EXOC6B: variants seen among roughly 807,000 people sequenced by gnomAD.
The protein encoded by EXOC6B is SEC15 homolog B.
Under a neutral mutation model 113.5 loss-of-function variants are expected in EXOC6B, and 54 were observed. The observed-to-expected ratio is 0.48, with a 90% confidence interval of 0.38 to 0.60. The LOEUF (loss-of-function observed/expected upper bound fraction) is 0.60. Ranked by LOEUF, EXOC6B falls within the 20% of genes least tolerant of loss-of-function variation. EXOC6B has a pLI of 0.00. For missense variants in EXOC6B, 797 were observed against 977.5 expected (o/e 0.82, Z 2.46); for synonymous variants, 357 against 339.0 (o/e 1.05, Z -0.58).
chr2:72,469,935 T>C (rs2105440414), intron 17 of EXOC6B, among the ~76,000 whole-genome samples: 1 of 152,288 alleles, frequency 6.6e-6, no homozygotes, highest in Middle Eastern at 3.4e-3. Context: ...TTTGATCTTC[T>C]AAAGTAGTAA....
intron 1 of EXOC6B, among the ~76,000 whole-genome samples, chr2:72,765,929 G>T (rs960575914): frequency 2.9e-4 from 44 of 152,160 alleles, no homozygotes; most frequent in African/African-American, 1.0e-3. Context: ...CCTTAAATTA[G>T]AGGCATAAGA....
At chr2:72,601,136 G>A (rs1280641097) in intron 6 of EXOC6B, among the ~76,000 whole-genome samples, 1 of 145,844 alleles carries the variant, frequency 6.9e-6, no homozygotes, top group African/African-American at 2.6e-5. Flanking sequence ...GTGTGTGTGT[G>A]TGTGTGTGTG....
intron 20 of EXOC6B, among the ~76,000 whole-genome samples, chr2:72,188,501 A>G (rs1678594784): frequency 6.6e-6 from 1 of 152,154 alleles, no homozygotes; most frequent in Non-Finnish European, 1.5e-5. Flanking sequence ...ATGGACAGAG[A>G]GTGAACTCTG....
At chr2:72,457,683 A>G (rs1220851418) in intron 18 of EXOC6B, among the ~76,000 whole-genome samples, 1 of 152,092 alleles carries the variant, frequency 6.6e-6, no homozygotes, top group East Asian at 1.9e-4. Flanking sequence ...ATGCAATTGT[A>G]AATTATACAA....
intron 12 of EXOC6B, among the ~76,000 whole-genome samples, chr2:72,499,087 AAGG>A (rs1294423370): frequency 6.6e-6 from 1 of 152,146 alleles, no homozygotes; most frequent in Non-Finnish European, 1.5e-5. Context: ...GAGAGAAAAA[AAGG>A]AGGTGGAAAC....
At chr2:72,714,610 G>GA (rs1005429290) in intron 6 of EXOC6B, among the ~76,000 whole-genome samples, 43 of 148,412 alleles carry the variant, frequency 2.9e-4, no homozygotes, top group African/African-American at 7.4e-4. Flanking sequence ...AACAATATGA[G>GA]AAAAAAAAAA....
At chr2:72,399,269 A>G (rs899324502) in intron 18 of EXOC6B, among the ~76,000 whole-genome samples, 1 of 152,212 alleles carries the variant, frequency 6.6e-6, no homozygotes, top group Non-Finnish European at 1.5e-5. Flanking sequence ...AAATAATAAA[A>G]GCAATATACA....
intron 11 of EXOC6B, among the ~76,000 whole-genome samples, chr2:72,508,930 A>G (rs1202373557): frequency 6.6e-6 from 1 of 152,182 alleles, no homozygotes; most frequent in African/African-American, 2.4e-5. Context: ...ATAATATAAT[A>G]TATAAAAGGT....
At chr2:72,285,369 G>A (rs1573176651) in intron 20 of EXOC6B, among the ~76,000 whole-genome samples, 1 of 151,962 alleles carries the variant, frequency 6.6e-6, no homozygotes, top group East Asian at 1.9e-4. Flanking sequence ...GATGAGCAAA[G>A]GCAAAGCAAT....
intron 6 of EXOC6B, among the ~76,000 whole-genome samples, chr2:72,618,650 G>C (rs1671550651): frequency 6.6e-6 from 1 of 152,070 alleles, no homozygotes; most frequent in Non-Finnish European, 1.5e-5. Flanking sequence ...CATTCCTTAT[G>C]AGCCTGCAAT....
chr2:72,462,097 C>T (rs1697721521), intron 18 of EXOC6B: 1 of 152,046 alleles, frequency 6.6e-6, no homozygotes, highest in Non-Finnish European at 1.5e-5. Flanking sequence ...GAAATACTCC[C>T]ATCCTGGAAT....
At chr2:72,613,564 CTAAAA>C in intron 6 of EXOC6B, among the ~76,000 whole-genome samples, 1 of 151,940 alleles carries the variant, frequency 6.6e-6, no homozygotes, top group East Asian at 1.9e-4. Context: ...GTCATAAAAT[CTAAAA>C]TAAGGAATGG....
At chr2:72,437,713 C>T (rs1273456755) in intron 18 of EXOC6B, among the ~76,000 whole-genome samples, 1 of 152,134 alleles carries the variant, frequency 6.6e-6, no homozygotes, top group African/African-American at 2.4e-5. Context: ...ATAAATTTTG[C>T]TGCATGTTAA....
Position 72,784,838 on chromosome 2 carries a change from A to T in EXOC6B, c.113+40960T>A, listed in dbSNP as rs544059166. Reference sequence around the variant, plus strand: ...CTCATGTCCTCATATTTCAAAACCAATTATTCCTTCCCAACAGTCCCCCAA... The same window carrying T: ...CTCATGTCCTCATATTTCAAAACCATTTATTCCTTCCCAACAGTCCCCCAA... On this transcript the variant is annotated intron_variant, in intron 1 of 21. Transcript: ENST00000272427. Among the ~76,000 whole-genome samples the T allele has an allele frequency of 2.6e-5, 4 of 152,180 alleles. No homozygotes were observed. The South Asian group carries it at 8.3e-4, about 32-fold the overall frequency.
intron 7 of EXOC6B, among the ~76,000 whole-genome samples, chr2:72,562,188 A>G (rs12471136): frequency 0.87 from 132,747 of 152,084 alleles, 58,118 homozygotes; most frequent in East Asian, 0.99. Flanking sequence ...TAATGAAAAA[A>G]AATCACAACT....
In EXOC6B at chr2:72,492,281, A is replaced by C. The variant is rs918802366; in HGVS notation, c.1665+37T>G. ...CCCAGAGCTTAGGACATCTGTTCAC[A>C]TACTGGCTCGGCTGCCTTCATTAGG... On this transcript the variant is annotated intron_variant, in intron 16 of 21. Coordinates refer to ENST00000272427, the MANE Select transcript of EXOC6B (RefSeq NM_015189.3). 5.3e-6 allele frequency: 7 copies of C among 1,314,488 alleles called. No individual in the cohort carries two copies. The African/African-American group carries it at 5.8e-5, about 11-fold the overall frequency. The allele number at this position is 1,314,488 out of a possible 1,614,324, so 81.4% of individuals were successfully genotyped here.
intron 1 of EXOC6B, among the ~76,000 whole-genome samples, chr2:72,754,095 T>A (rs1436416502): frequency 6.6e-6 from 1 of 151,932 alleles, no homozygotes; most frequent in East Asian, 1.9e-4. Flanking sequence ...CTATGTTGCC[T>A]GGGATGGTCT....
At chr2:72,782,515 A>T (rs1307823157) in intron 1 of EXOC6B, among the ~76,000 whole-genome samples, 4 of 152,238 alleles carry the variant, frequency 2.6e-5, no homozygotes, top group African/African-American at 4.8e-5. Flanking sequence ...AGCATTAATC[A>T]TTCCCATATG....
chr2:72,271,461 G>C (rs1684476668), intron 20 of EXOC6B, among the ~76,000 whole-genome samples: 1 of 152,002 alleles, frequency 6.6e-6, no homozygotes, highest in South Asian at 2.1e-4. Context: ...TACTGAAGGA[G>C]AGAGTTGGGG....
Sources: gnomAD v4.1 joint callset for allele counts (sites outside exome capture counted in the v4.1 genomes callset) on GRCh38, gnomAD v4.1.1 for gene constraint, MANE v1.5 for transcripts, NCBI Gene and HGNC (gene_info 2026-07-23, HGNC 2026-07-21) for gene names.